MYH2: variants seen among roughly 807,000 people sequenced by gnomAD.
The protein encoded by MYH2 is myosin heavy chain 2.
MYH2 carries 139 observed loss-of-function variants against 228.1 expected under a neutral mutation model. The observed-to-expected ratio is 0.61, with a 90% CI of 0.53 to 0.70. MYH2 has a LOEUF of 0.70. Ranked by LOEUF, MYH2 falls within the 30% of genes least tolerant of loss-of-function variation. The pLI, the probability that MYH2 is intolerant of heterozygous loss-of-function variation, is 0.00. For missense variants in MYH2, 1,809 were observed against 2,357.5 expected, an observed-to-expected ratio of 0.77 and a Z score of 4.82; for synonymous variants, 796 against 871.1, an observed-to-expected ratio of 0.91 and a Z score of 1.52.
intron 17 of MYH2, 50 bp downstream of exon 17, chr17:10,536,480 A>G (rs764522708): frequency 6.5e-7 from 1 of 1,534,390 alleles, no homozygotes; most frequent in Admixed American, 1.7e-5. Flanking sequence ...GACCCATGTA[A>G]AAAAAATCCC....
Position 10,529,942 on chromosome 17 carries a change from C to G in MYH2, c.2830G>C (p.Ala944Pro). The G allele has an allele frequency of 6.2e-7, 1 of 1,613,102 alleles. No individual in the cohort carries two copies. The highest frequency in any genetic ancestry group is 8.5e-7 in the Non-Finnish European group (1 of 1,179,230). ...DEEEINAELT[A>P]KKRKLEDECS... is the part of the protein sequence containing the mutation. ...TCATCCTCCAGTTTCCTCTTCTTGG[C>G]TGTCAGCTCAGCATTGATCTCTTCC... is the stretch of plus-strand genomic sequence containing the variant. Residue 944 changes from alanine (A) to proline (P), a missense_variant, in exon 23 of 40, where the codon GCC becomes CCC. Physicochemically the swap from Ala to Pro is conservative, Grantham distance 27. This residue lies in a region of MYH2 where 43 missense variants were observed against 89.2 expected (regional missense o/e 0.48). Coordinates refer to ENST00000245503, the MANE Select transcript of MYH2 (RefSeq NM_017534.6).
At chr17:10,540,459 A>G in intron 11 of MYH2, 135 bp downstream of exon 11, 5 of 784,318 alleles carry the variant, frequency 6.4e-6, no homozygotes, top group Non-Finnish European at 1.1e-5. Context: ...TACTCTTTTC[A>G]TTTGACTCCA....
At chr17:10,536,507 G>T in intron 17 of MYH2, 23 bp downstream of exon 17, 1 of 1,603,596 alleles carries the variant, frequency 6.2e-7, no homozygotes, top group Non-Finnish European at 8.5e-7. Flanking sequence ...ATTGGAGAAT[G>T]TCAAAAACAA....
At position 10,540,044 on chromosome 17, in the gene MYH2, A is replaced by G; in HGVS notation, c.1031T>C (p.Phe344Ser). Residue 344 changes from phenylalanine (F) to serine (S), a missense_variant, in exon 12 of 40, where the codon TTT (phenylalanine) becomes TCT (serine). Phe to Ser is a radical substitution (Grantham distance 155). Transcript: ENST00000245503. ...ATDSAIDILG[F>S]TNEEKVSIYK... ...AATGGAGACCTTTTCTTCATTAGTAAAGCCCAAAATATCAATAGCACTCTG... is the reference window on the plus strand; with the variant it reads ...AATGGAGACCTTTTCTTCATTAGTAGAGCCCAAAATATCAATAGCACTCTG... The G allele has an allele frequency of 1.2e-6, 2 of 1,614,048 alleles. No individual in the cohort carries two copies. The highest frequency in any genetic ancestry group is 1.7e-5 in the Admixed American group (1 of 60,004).
At chr17:10,534,852 G>T (rs1192578816) in intron 19 of MYH2, among the ~76,000 whole-genome samples, 1 of 152,192 alleles carries the variant, frequency 6.6e-6, no homozygotes, top group Non-Finnish European at 1.5e-5. Flanking sequence ...AGGAGGCAGA[G>T]GTTGCAGTGA....
At chr17:10,539,644 A>G in intron 12 of MYH2, 82 bp from the exon 13 acceptor site, 1 of 1,401,286 alleles carries the variant, frequency 7.1e-7, no homozygotes, top group Non-Finnish European at 1.0e-6. Context: ...AACTACAAGT[A>G]TTTTGTGCAG....
At chr17:10,547,328 G>T in intron 4 of MYH2, 147 bp downstream of exon 4, 1 of 1,109,252 alleles carries the variant, frequency 9.0e-7, no homozygotes, top group Non-Finnish European at 1.4e-6. Flanking sequence ...TGTGCTTTAC[G>T]ATAGCAATCA....
At chr17:10,543,437 G>A (rs972771347) in intron 8 of MYH2, among the ~76,000 whole-genome samples, 4 of 152,080 alleles carry the variant, frequency 2.6e-5, no homozygotes, top group Admixed American at 2.6e-4. Flanking sequence ...ACATCACATT[G>A]TATTTCGTAA....
chr17:10,526,888 A>T (rs1225363282), intron 29 of MYH2, 50 bp downstream of exon 29: 2 of 1,613,060 alleles, frequency 1.2e-6, no homozygotes, highest in East Asian at 4.5e-5. Context: ...AACAGGCTCC[A>T]TGTAGAATCA....
rs112427025 is a variant in MYH2 at position 10,533,700 on chromosome 17, T to A, written c.2181-68A>T. 4.1e-4 allele frequency: 639 copies of A among 1,555,022 alleles called. 2 individuals carry two copies. In the African/African-American group the frequency reaches 7.5e-3, roughly 18 times the overall value. On this transcript the variant is annotated intron_variant, in intron 19 of 39. Coordinates refer to ENST00000245503, the MANE Select transcript of MYH2 (RefSeq NM_017534.6). ...ACACAAATGCTAGCTAAACATTAAA[T>A]GATTCATTTTTTAAAGCAGAGCTTT... is the stretch of plus-strand genomic sequence containing the variant.
intron 14 of MYH2, among the ~76,000 whole-genome samples, chr17:10,538,841 CATG>C (rs1339320718): frequency 6.6e-6 from 1 of 152,014 alleles, no homozygotes; most frequent in Non-Finnish European, 1.5e-5. Flanking sequence ...ATTTTTATTT[CATG>C]ATATCACACT....
In MYH2 at chr17:10,537,684, C is replaced by G; in HGVS notation, c.1568G>C (p.Cys523Ser). The change falls in exon 15 of 40, where the codon TGC becomes TCC. Residue 523 changes from cysteine to serine, a missense_variant. Transcript: ENST00000245503. This position sits in a 1 kb window ranked among gnomAD's most constrained non-coding sequence, Gnocchi z 4.0. ...ACCAACCTTCTCGATGAGCTCGATG[C>G]AGGCAGCCAGGTCCATCCCGAAGTC... is the stretch of plus-strand genomic sequence containing the variant. ...FIDFGMDLAA[C>S]IELIEKPMGI... 3 of 1,614,172 alleles carry G rather than the reference C, an allele frequency of 1.9e-6. No individual in the cohort carries two copies. Among genetic ancestry groups the G allele is most frequent in the Non-Finnish European group, 2.5e-6 (3 of 1,180,032 alleles).
In MYH2 at chr17:10,528,989, G is replaced by A; in HGVS notation, c.3445C>T (p.Leu1149=). Residue 1149 remains leucine, a synonymous_variant, in exon 27 of 40, where the codon CTG becomes TTG. Coordinates refer to ENST00000245503, the MANE Select transcript of MYH2 (RefSeq NM_017534.6). ...TCCAGCCTCTCGCTGATCTCCTCCA[G>A]CTCCCGGGAGAGGTCAGAGCGCTGC... ...EKQRSDLSRE[L]EEISERLEEA... The A allele has an allele frequency of 6.2e-7, 1 of 1,614,182 alleles. No homozygotes were observed. The highest frequency in any genetic ancestry group is 8.5e-7 in the Non-Finnish European group (1 of 1,180,046).
intron 5 of MYH2, 120 bp from the exon 6 acceptor site, chr17:10,544,247 G>C: frequency 7.9e-7 from 1 of 1,261,916 alleles, no homozygotes; most frequent in Non-Finnish European, 1.1e-6. Flanking sequence ...TTAGGGCTTG[G>C]CAGGCTTTAG....
rs148217318 is a variant in MYH2 at position 10,547,834 on chromosome 17, A to G, written c.87T>C (p.Asn29=). ...CAGATGTTTTGGCATCAAAGGGCCT[A>G]TTCTGGGCCTCAATGCGCTCCCTTT... ...KSERERIEAQ[N]RPFDAKTSVF... is the part of the protein sequence containing the mutation. Residue 29 remains asparagine, a synonymous_variant, in exon 3 of 40, where the codon AAT becomes AAC. Coordinates refer to ENST00000245503, the MANE Select transcript of MYH2 (RefSeq NM_017534.6). 140 of 1,614,194 alleles carry G rather than the reference A, an allele frequency of 8.7e-5. No homozygotes were observed. In the African/African-American group the frequency reaches 1.6e-3, roughly 18 times the overall value.
At chr17:10,539,852 G>A in intron 12 of MYH2, 76 bp downstream of exon 12, 1 of 1,596,772 alleles carries the variant, frequency 6.3e-7, no homozygotes, top group Non-Finnish European at 8.6e-7. Context: ...ACCTTCCCTA[G>A]GAAAATTCCT....
At chr17:10,540,801 G>T in intron 10 of MYH2, 104 bp from the exon 11 acceptor site, 1 of 988,648 alleles carries the variant, frequency 1.0e-6, no homozygotes, top group Non-Finnish European at 1.6e-6. Flanking sequence ...GGGAACTCAG[G>T]GACCCCAAAT....
At chr17:10,542,298 A>AACAAACAG (rs2073566859) in intron 10 of MYH2, among the ~76,000 whole-genome samples, 1 of 151,994 alleles carries the variant, frequency 6.6e-6, no homozygotes, top group South Asian at 2.1e-4. Flanking sequence ...CAAACAAACA[A>AACAAACAG]AACTATTGTA....
At chr17:10,546,846 A>G (rs2073640433) in intron 4 of MYH2, among the ~76,000 whole-genome samples, 1 of 152,018 alleles carries the variant, frequency 6.6e-6, no homozygotes, top group African/African-American at 2.4e-5. Flanking sequence ...TTGGGAGGCC[A>G]AGGCAGGCGG....
Sources: gnomAD v4.1 joint callset for allele counts (sites outside exome capture counted in the v4.1 genomes callset) on GRCh38, gnomAD v4.1.1 for gene constraint, gnomAD v4.1.1 regional missense constraint, Gnocchi (gnomAD v3.1) non-coding constraint, MANE v1.5 for transcripts, NCBI Gene and HGNC (gene_info 2026-07-23, HGNC 2026-07-21) for gene names.